The following WDR86 variants were observed in gnomAD, a reference collection of about 807,000 sequenced individuals.
WDR86 encodes the protein WD repeat domain 86.
A neutral mutation model predicts 36.5 loss-of-function variants in WDR86; 30 were observed. The observed-to-expected ratio is 0.82, with a 90% confidence interval of 0.61 to 1.11. WDR86 has a LOEUF of 1.11. Ranked by LOEUF, WDR86 falls within the 50% of genes most tolerant of loss-of-function variation. The pLI is 0.00. For synonymous variants in WDR86, 255 were observed against 252.9 expected (o/e 1.01, Z -0.08); for missense variants, 545 against 561.2 (o/e 0.97, Z 0.29).
In WDR86 at chr7:151,381,897, A is replaced by T. The variant is rs1305809115; in HGVS notation, c.947T>A (p.Phe316Tyr). 8.7e-6 allele frequency: 14 copies of T among 1,609,928 alleles called. No homozygotes were observed. The highest frequency in any genetic ancestry group is 1.6e-4 in the Middle Eastern group (1 of 6,082). The stretch of plus-strand genomic sequence containing the variant: ...ACCTACCTGGATGCAGTTGATGATG[A>T]ATGTGTGGCCCCGGAACACCCTCCG... ...ELRRVFRGHT[F>Y]IINCIQVHGQ... Residue 316 changes from phenylalanine (F) to tyrosine (Y), a missense_variant, in exon 5 of 6, where the codon TTC becomes TAC. Coordinates refer to ENST00000334493, the MANE Select transcript of WDR86 (RefSeq NM_198285.3). The surrounding 1 kb of genome is among the most constrained non-coding windows in gnomAD (Gnocchi z 4.8).
downstream of WDR86, chr7:151,377,408 A>C: frequency 2.1e-6 from 1 of 469,180 alleles, no homozygotes; most frequent in Non-Finnish European, 3.7e-6. Flanking sequence ...CTCGGGGAAG[A>C]AGCTTCCTCT....
Position 151,409,623 on chromosome 7 carries a change from C to T in WDR86, c.-34G>A. The T allele has an allele frequency of 7.4e-7, 1 of 1,348,390 alleles. No homozygotes were observed. Among genetic ancestry groups the T allele is most frequent in the Non-Finnish European group, 9.5e-7 (1 of 1,054,486 alleles). The allele number at this position is 1,348,390 out of a possible 1,614,324, so 83.5% of individuals were successfully genotyped here. On this transcript the variant is annotated 5_prime_UTR_variant, in exon 1 of 6. Transcript: ENST00000334493. This position sits in a 1 kb window ranked among gnomAD's most constrained non-coding sequence, Gnocchi z 5.2. ...CAGGGCGGGGAACAAGAAGGAGCTGCGCCCCGCTAGGGAGGGGCGCCCCGG... is the reference window on the plus strand; with the variant it reads ...CAGGGCGGGGAACAAGAAGGAGCTGTGCCCCGCTAGGGAGGGGCGCCCCGG...
intron 2 of WDR86, 22 bp downstream of exon 2, chr7:151,400,078 C>T: frequency 6.5e-7 from 1 of 1,540,412 alleles, no homozygotes; most frequent in Non-Finnish European, 8.8e-7. Flanking sequence ...GAGACTCAGC[C>T]CAAGCCCCCA....
At chr7:151,398,918 C>G (rs1431305093) in intron 2 of WDR86, among the ~76,000 whole-genome samples, 3 of 152,212 alleles carry the variant, frequency 2.0e-5, no homozygotes, top group Non-Finnish European at 2.9e-5. Flanking sequence ...GGCGCTCCCC[C>G]AGCCCTACTC....
At chr7:151,386,413 G>A (rs1330818858) in intron 3 of WDR86, among the ~76,000 whole-genome samples, 1 of 152,212 alleles carries the variant, frequency 6.6e-6, no homozygotes, top group Non-Finnish European at 1.5e-5. Flanking sequence ...TGGCCTCTGG[G>A]AGGCAGAGGC....
chr7:151,373,568 C>T (rs1798055621), downstream of WDR86, among the ~76,000 whole-genome samples: 1 of 152,226 alleles, frequency 6.6e-6, no homozygotes. Flanking sequence ...CCTCAGAAGG[C>T]CCTGGAGTCC....
At chr7:151,394,464 G>A (rs1173816362) in intron 3 of WDR86, among the ~76,000 whole-genome samples, 5 of 152,294 alleles carry the variant, frequency 3.3e-5, no homozygotes, top group Non-Finnish European at 2.9e-5. Context: ...CTGCGGCTTC[G>A]CTGAGCATCA....
At position 151,381,637 on chromosome 7, in the gene WDR86, G is replaced by A. The variant is rs1458651480; in HGVS notation, c.1076C>T (p.Ser359Leu). 7.2e-7 allele frequency: 1 copy of A among 1,388,182 alleles called. No individual in the cohort carries two copies. The highest frequency in any genetic ancestry group is 9.2e-7 in the Non-Finnish European group (1 of 1,083,012). 86.0% of individuals were successfully genotyped at this position (1,388,182 alleles called of 1,614,324 possible). ...GCCCACCTTGTTGCTGAAGAGCCGCGAGAGGCTGCGCATGGGCGGAGGGGG... is the reference window on the plus strand; with the variant it reads ...GCCCACCTTGTTGCTGAAGAGCCGCAAGAGGCTGCGCATGGGCGGAGGGGG... ...PRPPPPMRSL[S>L]RLFSNKVGCA... Residue 359 changes from serine to leucine, a missense_variant, in exon 6 of 6, where the codon TCG becomes TTG. By Grantham distance (145) the Ser-to-Leu change is moderately radical. Transcript: ENST00000334493. The surrounding 1 kb of genome is among the most constrained non-coding windows in gnomAD (Gnocchi z 4.8).
In WDR86 at chr7:151,390,084, C is replaced by T. The variant is rs918247677; in HGVS notation, c.727-4861G>A. Among the ~76,000 whole-genome samples, 3 of 152,198 alleles carry T rather than the reference C, an allele frequency of 2.0e-5. No individual in the cohort carries two copies. The highest frequency in any genetic ancestry group is 6.5e-5 in the Admixed American group (1 of 15,292). On this transcript the variant is annotated intron_variant, in intron 3 of 5. Transcript: ENST00000334493. This position sits in a 1 kb window ranked among gnomAD's most constrained non-coding sequence, Gnocchi z 4.5. ...ATGAGGCAGGGGCCCCAAAAGGATC[C>T]AAATGCAAGAGAGCGTGGGGTGTAA...
chr7:151,377,250 T>A (rs745569456), downstream of WDR86: 1 of 1,434,868 alleles, frequency 7.0e-7, no homozygotes, highest in Middle Eastern at 1.9e-4. Context: ...TAGCGCTAAT[T>A]TTCTGCTTAT....
chr7:151,398,403 ATATG>A (rs1800033037), intron 2 of WDR86, among the ~76,000 whole-genome samples: 1 of 133,222 alleles, frequency 7.5e-6, no homozygotes, highest in South Asian at 2.5e-4. Flanking sequence ...GTATGGGTGT[ATATG>A]TATGTTGTGC....
intron 4 of WDR86, among the ~76,000 whole-genome samples, chr7:151,384,060 C>CAGACA (rs1798802106): frequency 6.6e-6 from 1 of 152,340 alleles, no homozygotes; most frequent in African/African-American, 2.4e-5. Context: ...ACACCTGAAT[C>CAGACA]CTGAGGGCAT....
At chr7:151,375,996 T>C (rs535403775) in exon 2 of WDR86, 3 of 1,166,740 alleles carry the variant, frequency 2.6e-6, no homozygotes, top group East Asian at 2.4e-5. Context: ...GTGGGGTTGC[T>C]TGGGGTAACC....
chr7:151,381,976 T>G lies in WDR86; in HGVS notation c.868A>C (p.Thr290Pro), dbSNP rs1310674039. Residue 290 changes from threonine (T) to proline (P), a missense_variant, in exon 5 of 6, where the codon ACG (threonine) becomes CCG (proline). Transcript: ENST00000334493. This position sits in a 1 kb window ranked among gnomAD's most constrained non-coding sequence, Gnocchi z 4.8. ...CGGGCGCAAGCGTCCCCGCTGCCCG[T>G]GAACACTGCGGACACACAGCGCGCG... ...ALKYHAGTLF[T>P]GSGDACARAF... is the part of the protein sequence containing the mutation. 7 of 1,601,660 alleles carry G rather than the reference T, an allele frequency of 4.4e-6. No homozygotes were observed. In the South Asian group the frequency reaches 7.8e-5, roughly 18 times the overall value.
At chr7:151,400,914 G>T (rs980106669) in intron 1 of WDR86, among the ~76,000 whole-genome samples, 6 of 152,212 alleles carry the variant, frequency 3.9e-5, no homozygotes, top group African/African-American at 1.4e-4. Context: ...CGTGCACTTT[G>T]ATTTTTACCG....
chr7:151,383,711 C>G (rs939879272), intron 4 of WDR86, among the ~76,000 whole-genome samples: 4 of 152,334 alleles, frequency 2.6e-5, no homozygotes, highest in South Asian at 2.1e-4. Context: ...GCCTTCCCCC[C>G]ACAAACTCAG....
At chr7:151,375,866 C>G, downstream of WDR86, 1 of 1,611,690 alleles carries the variant, frequency 6.2e-7, no homozygotes, top group Non-Finnish European at 8.5e-7. Flanking sequence ...CAGCAATCCT[C>G]AGATGTGGTG....
downstream of WDR86, chr7:151,376,770 A>T: frequency 1.9e-6 from 3 of 1,591,756 alleles, no homozygotes; most frequent in Non-Finnish European, 2.6e-6. Context: ...TCGCCAGAAG[A>T]CTCTTTGTCC....
At chr7:151,395,754 G>C in intron 3 of WDR86, 22 bp downstream of exon 3, 1 of 1,530,918 alleles carries the variant, frequency 6.5e-7, no homozygotes, top group South Asian at 1.2e-5. Context: ...TGGCTGCTGG[G>C]CGGGGACCAG....
Sources: allele counts gnomAD v4.1 joint callset (sites outside exome capture counted in the v4.1 genomes callset), GRCh38; gene constraint gnomAD v4.1.1; non-coding constraint Gnocchi (gnomAD v3.1); transcripts MANE v1.5; gene names NCBI Gene and HGNC (gene_info 2026-07-23, HGNC 2026-07-21).